The following LOC128462377 variants were observed in gnomAD, a reference collection of about 807,000 sequenced individuals.
the LOC128462377 span, among the ~76,000 whole-genome samples, chr16:89,382,886 G>A: frequency 1.6e-3 from 245 of 152,226 alleles, no homozygotes; most frequent in Middle Eastern, 0.01. Context: ...TGTTGCCCAG[G>A]CTGGAGTGCA....
chr16:89,418,186 A>C, the LOC128462377 span: 1 of 431,002 alleles, frequency 2.3e-6, no homozygotes, highest in South Asian at 1.6e-5. Flanking sequence ...TATCAAGTCC[A>C]AGAAAACCAA....
chr16:89,356,494 A>G, the LOC128462377 span, among the ~76,000 whole-genome samples: 1 of 152,000 alleles, frequency 6.6e-6, no homozygotes, highest in Admixed American at 6.6e-5. Flanking sequence ...TAACAGGGCC[A>G]GGCGCGGTGG....
chr16:89,381,331 C>CAAAAAAAAAAA, the LOC128462377 span, among the ~76,000 whole-genome samples: 1 of 76,354 alleles, frequency 1.3e-5, no homozygotes, highest in Non-Finnish European at 2.3e-5. Context: ...GACTCTGCTG[C>CAAAAAAAAAAA]AAAAAAAAAA....
the LOC128462377 span, among the ~76,000 whole-genome samples, chr16:89,393,450 T>A: frequency 6.6e-6 from 1 of 151,064 alleles, no homozygotes; most frequent in East Asian, 1.9e-4. Flanking sequence ...CAGTCCCCCA[T>A]GTAGCTGGGA....
the LOC128462377 span, among the ~76,000 whole-genome samples, chr16:89,386,146 T>C: frequency 4.6e-5 from 7 of 152,176 alleles, no homozygotes; most frequent in Non-Finnish European, 8.8e-5. Flanking sequence ...ATTAAGAAAA[T>C]ACAATACCGG....
the LOC128462377 span, among the ~76,000 whole-genome samples, chr16:89,328,706 T>C: frequency 0.21 from 9,958 of 47,634 alleles, 42 homozygotes; most frequent in Middle Eastern, 0.36. Flanking sequence ...GCGAAATCAG[T>C]GGAGGCCCCT....
At chr16:89,337,208 G>A in the LOC128462377 span, among the ~76,000 whole-genome samples, 5 of 151,294 alleles carry the variant, frequency 3.3e-5, no homozygotes, top group African/African-American at 1.2e-4. Flanking sequence ...ACAAAAAACT[G>A]CAAATTAAAA....
the LOC128462377 span, among the ~76,000 whole-genome samples, chr16:89,333,260 G>A: frequency 6.6e-6 from 1 of 152,178 alleles, no homozygotes; most frequent in Non-Finnish European, 1.5e-5. Context: ...AGCAGCTTTA[G>A]GTTCACAGCA....
the LOC128462377 span, chr16:89,395,663 G>A: frequency 6.6e-6 from 1 of 152,238 alleles, no homozygotes; most frequent in African/African-American, 2.4e-5. Flanking sequence ...GGTGTGAAAT[G>A]TTTGAAAAGT....
the LOC128462377 span, among the ~76,000 whole-genome samples, chr16:89,403,335 T>C: frequency 6.6e-6 from 1 of 152,122 alleles, no homozygotes; most frequent in East Asian, 1.9e-4. Context: ...CCCTCCTGAC[T>C]GGCCCCAGCA....
chr16:89,352,078 C>T, the LOC128462377 span, among the ~76,000 whole-genome samples: 3 of 151,330 alleles, frequency 2.0e-5, no homozygotes, highest in Non-Finnish European at 4.4e-5. Context: ...TGTGTAGAGG[C>T]GGGGGTTTCA....
At chr16:89,401,289 G>T in the LOC128462377 span, among the ~76,000 whole-genome samples, 1 of 152,106 alleles carries the variant, frequency 6.6e-6, no homozygotes, top group South Asian at 2.1e-4. Context: ...ATGTTAGCCA[G>T]GCTGGTCTCG....
the LOC128462377 span, among the ~76,000 whole-genome samples, chr16:89,407,123 A>C: frequency 5.9e-5 from 9 of 151,986 alleles, no homozygotes; most frequent in East Asian, 1.5e-3. Context: ...GAGGCGGAGG[A>C]GGCGGTGAGT....
the LOC128462377 span, among the ~76,000 whole-genome samples, chr16:89,356,389 A>G: frequency 6.6e-6 from 1 of 152,006 alleles, no homozygotes; most frequent in East Asian, 1.9e-4. Context: ...AGATGATGAC[A>G]CCAGCTCCGG....
At chr16:89,325,496 G>C in the LOC128462377 span, among the ~76,000 whole-genome samples, 1 of 146,292 alleles carries the variant, frequency 6.8e-6, no homozygotes, top group Non-Finnish European at 1.5e-5. Context: ...CACACACACA[G>C]AGTAATAATG....
At chr16:89,374,320 C>T in the LOC128462377 span, among the ~76,000 whole-genome samples, 15 of 151,626 alleles carry the variant, frequency 9.9e-5, no homozygotes, top group Admixed American at 9.9e-4. Context: ...CGAGTTATGG[C>T]TCACCATGTG....
At chr16:89,331,265 A>C in the LOC128462377 span, among the ~76,000 whole-genome samples, 1 of 152,220 alleles carries the variant, frequency 6.6e-6, no homozygotes, top group African/African-American at 2.4e-5. Flanking sequence ...GATGAAATAC[A>C]TTCTTAATAT....
At chr16:89,323,701 C>T in the LOC128462377 span, 2 of 304,452 alleles carry the variant, frequency 6.6e-6, no homozygotes, top group Non-Finnish European at 1.3e-5. Flanking sequence ...GTCCAGCCTC[C>T]ACACACCCCT....
chr16:89,336,970 G>A, the LOC128462377 span, among the ~76,000 whole-genome samples: 6 of 130,916 alleles, frequency 4.6e-5, no homozygotes, highest in East Asian at 1.4e-3. Context: ...AGGAGGTGGA[G>A]ACTAGCCTGG....
Sources: gnomAD v4.1 joint callset for allele counts (sites outside exome capture counted in the v4.1 genomes callset) on GRCh38, gnomAD v4.1.1 for gene constraint, MANE v1.5 for transcripts.